LRIF1: variants seen among roughly 807,000 people sequenced by gnomAD.
LRIF1 encodes ligand dependent nuclear receptor interacting factor 1.
LRIF1 carries 32 observed loss-of-function variants against 52.7 expected under a neutral mutation model. The ratio of observed to expected loss-of-function variants is 0.61; its 90% CI spans 0.46 to 0.82. The LOEUF (loss-of-function observed/expected upper bound fraction) is 0.82, where lower values mean the gene tolerates loss of function less well. Among genes scored for constraint, LRIF1 ranks in the 40% least tolerant of loss-of-function variants. The pLI is 0.00. For synonymous variants in LRIF1, 323 were observed against 317.4 expected (o/e 1.02, Z -0.19); for missense variants, 887 against 892.0 (o/e 0.99, Z 0.07).
the LRIF1 span, among the ~76,000 whole-genome samples, chr1:110,910,491 C>G: frequency 6.6e-6 from 1 of 152,054 alleles, no homozygotes; most frequent in Non-Finnish European, 1.5e-5. Context: ...ATCCCAGCTA[C>G]TTGGGAGGCT....
the LRIF1 span, chr1:110,940,455 A>G: frequency 3.3e-5 from 5 of 152,186 alleles, no homozygotes. Flanking sequence ...GAGCTACCAT[A>G]TATCCAGAAA....
At chr1:110,927,823 T>C in the LRIF1 span, among the ~76,000 whole-genome samples, 1 of 152,184 alleles carries the variant, frequency 6.6e-6, no homozygotes, top group Non-Finnish European at 1.5e-5. Flanking sequence ...CCATCAGAGG[T>C]AGAAATAGTT....
chr1:110,952,605 A>G lies in LRIF1; in HGVS notation c.279T>C (p.Val93=), dbSNP rs1658531909. 1.9e-6 allele frequency: 3 copies of G among 1,614,080 alleles called. No homozygotes were observed. In the East Asian group the frequency reaches 6.7e-5, roughly 36 times the overall value. The change falls in exon 2 of 4, where the codon GTT becomes GTC. Residue 93 remains valine (V), a synonymous_variant. Transcript: ENST00000369763. ...QISSSSTSAS[V]QLPIFQPASS... is the part of the protein sequence containing the mutation. ...TGGCTGGCTGAAAAATGGGCAATTG[A>G]ACTGATGCACTTGTGGAAGAGCTGG...
At chr1:110,890,321 C>T in the LRIF1 span, among the ~76,000 whole-genome samples, 1 of 152,180 alleles carries the variant, frequency 6.6e-6, no homozygotes. Flanking sequence ...AATCCCAGCA[C>T]TTTGGGAGGC....
At chr1:110,930,049 A>G in the LRIF1 span, among the ~76,000 whole-genome samples, 1 of 152,214 alleles carries the variant, frequency 6.6e-6, no homozygotes, top group Non-Finnish European at 1.5e-5. Flanking sequence ...GTTTGGTGCG[A>G]TATTATTAAC....
the LRIF1 span, among the ~76,000 whole-genome samples, chr1:110,917,642 G>GTTTTT: frequency 2.4e-5 from 2 of 81,752 alleles, no homozygotes; most frequent in Non-Finnish European, 2.4e-5. Context: ...TTGTTTTTTT[G>GTTTTT]TTTTTGTTTT....
chr1:110,951,024 CT>C (rs1658448506), intron 2 of LRIF1, among the ~76,000 whole-genome samples: 1 of 152,042 alleles, frequency 6.6e-6, no homozygotes, highest in African/African-American at 2.4e-5. Context: ...CCTTTTTGCT[CT>C]GTGAATTTTT....
At chr1:110,921,653 A>C in the LRIF1 span, among the ~76,000 whole-genome samples, 1 of 152,208 alleles carries the variant, frequency 6.6e-6, no homozygotes, top group Non-Finnish European at 1.5e-5. Flanking sequence ...AAATTTATAA[A>C]GGCAATGACT....
chr1:110,876,909 G>A, the LRIF1 span, among the ~76,000 whole-genome samples: 1 of 152,090 alleles, frequency 6.6e-6, no homozygotes, highest in African/African-American at 2.4e-5. Flanking sequence ...TCATTTGACA[G>A]TAATTAGTAA....
chr1:110,947,840 C>A lies in LRIF1; in HGVS notation c.*119G>T, dbSNP rs903006909. The A allele has an allele frequency of 1.5e-6, 2 of 1,356,236 alleles. No individual in the cohort carries two copies. Among genetic ancestry groups the A allele is most frequent in the African/African-American group, 1.5e-5 (1 of 68,808 alleles). 84.0% of individuals were successfully genotyped at this position (1,356,236 alleles called of 1,614,324 possible). On this transcript the variant is annotated 3_prime_UTR_variant, in exon 4 of 4. Coordinates refer to ENST00000369763, the MANE Select transcript of LRIF1 (RefSeq NM_018372.4). The stretch of plus-strand genomic sequence containing the variant: ...GTATTCCTTAAAGTTGTACAATCGA[C>A]TGATGAAAAAACAAGCTTCATATTC...
At chr1:110,902,743 A>T in the LRIF1 span, among the ~76,000 whole-genome samples, 1 of 152,226 alleles carries the variant, frequency 6.6e-6, no homozygotes, top group African/African-American at 2.4e-5. Flanking sequence ...GGTGGAATAG[A>T]ATACCAGTTT....
chr1:110,912,067 C>G, the LRIF1 span, among the ~76,000 whole-genome samples: 1 of 152,214 alleles, frequency 6.6e-6, no homozygotes, highest in African/African-American at 2.4e-5. Context: ...CAAACTATCT[C>G]TCTTCATAGA....
chr1:110,901,441 G>A, the LRIF1 span, among the ~76,000 whole-genome samples: 1 of 149,380 alleles, frequency 6.7e-6, no homozygotes, highest in Non-Finnish European at 1.5e-5. Context: ...TTCCCAAAGT[G>A]CTGGGATTAC....
At chr1:110,943,614 A>T (rs946985253), downstream of LRIF1, 1 of 152,018 alleles carries the variant, frequency 6.6e-6, no homozygotes, top group East Asian at 1.9e-4. Context: ...TCATTTTTTT[A>T]AAAAAGAGGC....
the LRIF1 span, among the ~76,000 whole-genome samples, chr1:110,923,728 A>T: frequency 6.6e-6 from 1 of 152,196 alleles, no homozygotes; most frequent in Non-Finnish European, 1.5e-5. Context: ...AATGTAGGAG[A>T]TGCAGTTAAA....
At chr1:110,917,952 T>C in the LRIF1 span, among the ~76,000 whole-genome samples, 3 of 95,884 alleles carry the variant, frequency 3.1e-5, no homozygotes, top group Non-Finnish European at 6.2e-5. Context: ...TTAAAAACAT[T>C]AGTTTTAAAA....
In LRIF1 at chr1:110,948,310, G is replaced by A; in HGVS notation, c.1959C>T (p.Ile653=). The change falls in exon 4 of 4, where the codon ATC becomes ATT. Residue 653 remains isoleucine, a synonymous_variant. Coordinates refer to ENST00000369763, the MANE Select transcript of LRIF1 (RefSeq NM_018372.4). ...CGGTGACATTAGCTTCCCCATTTAT[G>A]ATTGCGTTATAAGCATTCTCTGTTT... ...KRKTENAYNA[I]INGEANVTGS... 3.1e-6 allele frequency: 5 copies of A among 1,614,066 alleles called. No homozygotes were observed. The highest frequency in any genetic ancestry group is 4.2e-6 in the Non-Finnish European group (5 of 1,179,998).
chr1:110,949,098 T>G (rs527460064), intron 3 of LRIF1, among the ~76,000 whole-genome samples: 62 of 151,998 alleles, frequency 4.1e-4, no homozygotes, highest in South Asian at 1.2e-3. Flanking sequence ...TGTGTGTGTG[T>G]GGGGTGGGCG....
the LRIF1 span, among the ~76,000 whole-genome samples, chr1:110,932,239 G>T: frequency 4.6e-5 from 7 of 152,094 alleles, no homozygotes; most frequent in African/African-American, 1.7e-4. Context: ...ATTAAATAGG[G>T]AATCTTTCCC....
Sources: allele counts gnomAD v4.1 joint callset (sites outside exome capture counted in the v4.1 genomes callset), GRCh38; gene constraint gnomAD v4.1.1; transcripts MANE v1.5; gene names NCBI Gene and HGNC (gene_info 2026-07-23, HGNC 2026-07-21).